Variants in KLHL15 observed in about 807,000 individuals in gnomAD.
The protein encoded by KLHL15 is kelch-like protein 15.
In KLHL15, 1 loss-of-function variant was observed where a neutral mutation model predicts 29.3. The observed-to-expected ratio is 0.03, with a 90% CI of 0.01 to 0.16. The LOEUF (loss-of-function observed/expected upper bound fraction) is 0.16. Ranked by LOEUF, KLHL15 falls within the 10% of genes least tolerant of loss-of-function variation. The pLI, the probability that KLHL15 is intolerant of heterozygous loss-of-function variation, is 1.00. For missense variants in KLHL15, 215 were observed against 478.5 expected, an observed-to-expected ratio of 0.45 and a Z score of 5.14; for synonymous variants, 212 against 184.5, an observed-to-expected ratio of 1.15 and a Z score of -1.21.
intron 2 of KLHL15, among the ~76,000 whole-genome samples, chrX:24,016,368 A>AAAAAG (rs1555978285): frequency 1.3e-4 from 10 of 76,505 alleles, no homozygotes; most frequent in African/African-American, 2.8e-4. Context: ...AAAAAAAAAA[A>AAAAAG]GGGGGGGTAT....
Position 24,016,369 on chromosome X carries a change from G to A in KLHL15, c.-8+8488C>T, listed in dbSNP as rs530465588. Among the ~76,000 whole-genome samples, 370 of 65,353 alleles carry A rather than the reference G, an allele frequency of 5.7e-3. 5 individuals are homozygous for A. Among genetic ancestry groups the A allele is most frequent in the African/African-American group, 0.018 (265 of 14,978 alleles). 56.8% of individuals were successfully genotyped at this position (65,353 alleles called of 115,157 possible). On this transcript the variant is annotated intron_variant, in intron 2 of 3. Transcript: ENST00000328046. ...AAAAAAAAAAAAAAAAAAAAAAAAA[G>A]GGGGGGTATACTTGGCCAGGTGCAG...
chrX:24,021,235 C>T (rs1929797188), intron 2 of KLHL15, among the ~76,000 whole-genome samples: 1 of 111,125 alleles, frequency 9.0e-6, no homozygotes, highest in South Asian at 3.7e-4. Context: ...TTACTATCTC[C>T]CTTGGTGCCG....
At chrX:24,009,391 G>A (rs866658715) in intron 2 of KLHL15, among the ~76,000 whole-genome samples, 1 of 111,006 alleles carries the variant, frequency 9.0e-6, no homozygotes, top group African/African-American at 3.3e-5. Flanking sequence ...CCAGCTACTC[G>A]GGAGGCTGAG....
chrX:24,013,320 T>C (rs1194856571), intron 2 of KLHL15, among the ~76,000 whole-genome samples: 1 of 111,088 alleles, frequency 9.0e-6, no homozygotes, highest in Admixed American at 9.6e-5. Flanking sequence ...TGGAATGCAG[T>C]GGTGCGATCT....
At chrX:24,002,130 C>T (rs1054965223) in intron 3 of KLHL15, among the ~76,000 whole-genome samples, 9 of 102,477 alleles carry the variant, frequency 8.8e-5, no homozygotes, top group Non-Finnish European at 1.7e-4. Context: ...GAGACTCTGT[C>T]TCAAAAGAAA....
At chrX:24,016,297 G>GCA (rs1929679135) in intron 2 of KLHL15, among the ~76,000 whole-genome samples, 1 of 85,307 alleles carries the variant, frequency 1.2e-5, no homozygotes, top group Non-Finnish European at 2.2e-5. Context: ...CCGAGATGGT[G>GCA]CCACTGCACT....
intron 2 of KLHL15, among the ~76,000 whole-genome samples, chrX:24,014,296 G>A (rs1030227855): frequency 3.6e-5 from 4 of 111,112 alleles, no homozygotes; most frequent in African/African-American, 1.3e-4. Flanking sequence ...TAGAAGGCTG[G>A]AAATTAGTGT....
chrX:23,995,120 G>A (rs6627991), intron 3 of KLHL15, among the ~76,000 whole-genome samples: 20,190 of 110,832 alleles, frequency 0.18, 1,512 homozygotes, highest in South Asian at 0.53. Flanking sequence ...ACACACACAC[G>A]CATATATACA....
chrX:23,994,941 T>C (rs1929155728), intron 3 of KLHL15, among the ~76,000 whole-genome samples: 1 of 111,468 alleles, frequency 9.0e-6, no homozygotes, highest in African/African-American at 3.3e-5. Flanking sequence ...CCTCCCAAAG[T>C]GCTGGGATTA....
chrX:24,025,717 A>C (rs1929917911), intron 1 of KLHL15, among the ~76,000 whole-genome samples: 11 of 77,654 alleles, frequency 1.4e-4, no homozygotes, highest in South Asian at 7.5e-4. Flanking sequence ...GGGTGTGGGA[A>C]CGGGGGGGAA....
intron 3 of KLHL15, among the ~76,000 whole-genome samples, chrX:24,000,383 G>A (rs755006764): frequency 1.8e-5 from 2 of 111,199 alleles, no homozygotes; most frequent in African/African-American, 6.5e-5. Context: ...TGAGGCAGGA[G>A]AATCACTTGA....
In KLHL15 at chrX:23,987,817, G is replaced by T; in HGVS notation, c.*104C>A. The T allele has an allele frequency of 1.3e-6, 1 of 773,577 alleles. No homozygotes were observed. The highest frequency in any genetic ancestry group is 1.9e-6 in the Non-Finnish European group (1 of 537,615). The allele number at this position is 773,577 out of a possible 1,213,427, so 63.8% of individuals were successfully genotyped here. A position where few individuals can be genotyped will look rare whatever the true frequency, so the allele number is the denominator to read the frequency against. On this transcript the variant is annotated 3_prime_UTR_variant, in exon 4 of 4. Transcript: ENST00000328046. ...AAATTCTTACAATGTTAGACCAATG[G>T]CTTTGATAGTAAAACTGGTGAGGTT...
At chrX:24,020,175 CA>C (rs1430960504) in intron 2 of KLHL15, among the ~76,000 whole-genome samples, 2 of 112,482 alleles carry the variant, frequency 1.8e-5, no homozygotes, top group African/African-American at 6.5e-5. Flanking sequence ...CGGATAAAAA[CA>C]GAATTAATTT....
intron 3 of KLHL15, among the ~76,000 whole-genome samples, chrX:23,994,234 C>T (rs1473672481): frequency 9.0e-6 from 1 of 111,258 alleles, no homozygotes; most frequent in Non-Finnish European, 1.9e-5. Context: ...TGTTTCAACA[C>T]AAGAGAAGAC....
At chrX:24,008,174 A>G (rs1455903797) in intron 2 of KLHL15, among the ~76,000 whole-genome samples, 3 of 112,469 alleles carry the variant, frequency 2.7e-5, no homozygotes, top group Non-Finnish European at 5.6e-5. Context: ...AAATCTTTCC[A>G]TATCAGAGAA....
chrX:23,990,096 G>A (rs72620465), intron 3 of KLHL15, among the ~76,000 whole-genome samples: 2 of 110,116 alleles, frequency 1.8e-5, no homozygotes, highest in Non-Finnish European at 3.8e-5. Flanking sequence ...AGGATCACTT[G>A]AGACCAGCCT....
chrX:24,006,011 G>A lies in KLHL15; in HGVS notation c.683C>T (p.Thr228Ile). The A allele has an allele frequency of 8.3e-7, 1 of 1,209,734 alleles. No individual in the cohort carries two copies. Among genetic ancestry groups the A allele is most frequent in the Non-Finnish European group, 1.1e-6 (1 of 894,242 alleles). Residue 228 changes from threonine (T) to isoleucine (I), a missense_variant, in exon 3 of 4, where the codon ACC (threonine) becomes ATC (isoleucine). Physicochemically the swap from Thr to Ile is moderately conservative, Grantham distance 89. Coordinates refer to ENST00000328046, the MANE Select transcript of KLHL15 (RefSeq NM_030624.3). Reference protein sequence around the residue: ...IIQNIRFCLMTPTSVFEKVKT... With the variant: ...IIQNIRFCLMIPTSVFEKVKT... ...AACCTTCTCAAAAACGCTGGTTGGGGTCATCAAGCAAAACCGGATATTCTG... is the reference window on the plus strand; with the variant it reads ...AACCTTCTCAAAAACGCTGGTTGGGATCATCAAGCAAAACCGGATATTCTG...
In KLHL15 at chrX:23,984,393, A is replaced by AT. The variant is rs2062524349; in HGVS notation, c.*3527_*3528insA. 8.9e-6 allele frequency: 1 copy of AT among 112,133 alleles called. No individual in the cohort carries two copies. The highest frequency in any genetic ancestry group is 1.9e-5 in the Non-Finnish European group (1 of 53,162). 9.2% of individuals were successfully genotyped at this position (112,133 alleles called of 1,213,427 possible). On this transcript the variant is annotated 3_prime_UTR_variant, in exon 4 of 4. Coordinates refer to ENST00000328046, the MANE Select transcript of KLHL15 (RefSeq NM_030624.3). The stretch of plus-strand genomic sequence containing the variant: ...ACCAACTCTAAATGTAATTGAACAA[A>AT]CATATGATCTCTCAAAATGTTCAGA...
intron 2 of KLHL15, among the ~76,000 whole-genome samples, chrX:24,012,892 G>A (rs1015936426): frequency 9.0e-6 from 1 of 111,581 alleles, no homozygotes; most frequent in African/African-American, 3.3e-5. Context: ...AGCAAAGTAT[G>A]TAAAAGATGA....
Sources: gnomAD v4.1 joint callset for allele counts (sites outside exome capture counted in the v4.1 genomes callset) on GRCh38, gnomAD v4.1.1 for gene constraint, MANE v1.5 for transcripts, NCBI Gene and HGNC (gene_info 2026-07-23, HGNC 2026-07-21) for gene names.